LMLN: variants seen among roughly 807,000 people sequenced by gnomAD.
The protein encoded by LMLN is leishmanolysin like peptidase.
A neutral mutation model predicts 92.3 loss-of-function variants in LMLN; 70 were observed. That is an observed-to-expected ratio of 0.76 (90% CI 0.63 to 0.92). The LOEUF is 0.92. LMLN is among the 40% of genes least tolerant of loss of function. The probability of loss-of-function intolerance (pLI) is 0.00; values close to 1 mark genes in which losing one functional copy is unlikely to be tolerated. For missense variants in LMLN, 691 were observed against 814.6 expected (o/e 0.85, Z 1.85); for synonymous variants, 308 against 296.2 (o/e 1.04, Z -0.41).
chr3:197,971,944 C>CTTTT (rs756710031), intron 1 of LMLN, among the ~76,000 whole-genome samples: 41 of 81,208 alleles, frequency 5.0e-4, no homozygotes, highest in East Asian at 8.3e-4. Flanking sequence ...AGTCTCTGTT[C>CTTTT]TTTTTTTTTT....
At chr3:197,962,274 T>G (rs1720925262) in intron 1 of LMLN, among the ~76,000 whole-genome samples, 1 of 152,206 alleles carries the variant, frequency 6.6e-6, no homozygotes, top group East Asian at 1.9e-4. Flanking sequence ...TGCTCAGCAT[T>G]ATGTCTGTGA....
chr3:197,978,221 T>C (rs1339418084), intron 5 of LMLN, among the ~76,000 whole-genome samples: 5 of 152,258 alleles, frequency 3.3e-5, no homozygotes, highest in Admixed American at 6.5e-5. Context: ...TGGATACATA[T>C]AAAAATGTTA....
chr3:197,993,795 A>G (rs1382372562), intron 9 of LMLN, among the ~76,000 whole-genome samples: 1 of 152,200 alleles, frequency 6.6e-6, no homozygotes, highest in Non-Finnish European at 1.5e-5. Context: ...CAAAACAATC[A>G]TGAGCAAAAA....
chr3:198,028,260 T>G (rs1177491518), intron 14 of LMLN, among the ~76,000 whole-genome samples: 2 of 151,966 alleles, frequency 1.3e-5, no homozygotes, highest in African/African-American at 4.8e-5. Context: ...TCTGGGTGTT[T>G]CGATGAACCG....
chr3:198,033,254 T>G (rs995943662), intron 14 of LMLN, among the ~76,000 whole-genome samples: 3 of 152,182 alleles, frequency 2.0e-5, no homozygotes, highest in Admixed American at 1.3e-4. Flanking sequence ...CCTGTGTACA[T>G]CCTTAGGATG....
chr3:198,022,417 A>C (rs914536233), intron 13 of LMLN, among the ~76,000 whole-genome samples: 1 of 152,222 alleles, frequency 6.6e-6, no homozygotes, highest in African/African-American at 2.4e-5. Context: ...GTTTTAACCT[A>C]GTCTCCAAAC....
At chr3:197,990,566 T>C (rs756002346) in exon 9 of LMLN, 15 of 1,418,344 alleles carry the variant, frequency 1.1e-5, no homozygotes, top group Non-Finnish European at 1.5e-5. Flanking sequence ...CAGTCTGGGA[T>C]TATATCAATG....
chr3:198,024,935 T>A, intron 14 of LMLN, 147 bp downstream of exon 15: 1 of 565,748 alleles, frequency 1.8e-6, no homozygotes, highest in East Asian at 3.7e-5. Context: ...TTAGTTTGGA[T>A]GCTTATGTTT....
rs147639153 is a variant in LMLN, at chr3:198,035,944, G to A, written c.1768G>A (p.Asp590Asn). ...TATCCAGATGAATGGCTGGATTCACGATGGAAACCTGCTCTGCCCATCATG... is the reference window on the plus strand; with the variant it reads ...TATCCAGATGAATGGCTGGATTCACAATGGAAACCTGCTCTGCCCATCATG... Residue 590 changes from aspartate to asparagine, a missense_variant, in exon 15 of 16, where the codon GAT becomes AAT. Physicochemically the swap from Asp to Asn is conservative, Grantham distance 23. Coordinates refer to ENST00000330198, the Ensembl canonical transcript of LMLN. 1.0e-4 allele frequency: 167 copies of A among 1,614,078 alleles called. No homozygotes were observed. Among genetic ancestry groups the A allele is most frequent in the Non-Finnish European group, 1.3e-4 (159 of 1,179,996 alleles).
At chr3:198,001,639 A>G (rs893277146) in intron 11 of LMLN, among the ~76,000 whole-genome samples, 4 of 152,188 alleles carry the variant, frequency 2.6e-5, no homozygotes, top group South Asian at 4.1e-4. Flanking sequence ...AGTTGCAGGC[A>G]TTTTGGCATT....
chr3:198,032,661 G>A (rs1228954364), intron 14 of LMLN, among the ~76,000 whole-genome samples: 1 of 152,096 alleles, frequency 6.6e-6, no homozygotes, highest in African/African-American at 2.4e-5. Context: ...AGAGGAGGGA[G>A]CTCCCGACCT....
rs896983744 is a variant in LMLN at position 198,031,019 on chromosome 3, C to T, written c.1657-4814C>T. On this transcript the variant is annotated intron_variant, in intron 14 of 15. Coordinates refer to ENST00000330198, the Ensembl canonical transcript of LMLN. The surrounding 1 kb of genome is among the most constrained non-coding windows in gnomAD (Gnocchi z 4.8). ...GACGCCTGCTGACAGCGTGGGAAGGCGGGACCTCACCTCTGCCCTCAGGGT... is the reference window on the plus strand; with the variant it reads ...GACGCCTGCTGACAGCGTGGGAAGGTGGGACCTCACCTCTGCCCTCAGGGT... Among the ~76,000 whole-genome samples the T allele has an allele frequency of 6.6e-6, 1 of 151,896 alleles. No individual in the cohort carries two copies. The highest frequency in any genetic ancestry group is 1.5e-5 in the Non-Finnish European group (1 of 68,000).
chr3:197,975,205 C>G (rs1721336049), intron 3 of LMLN, 133 bp downstream of exon 3: 1 of 533,818 alleles, frequency 1.9e-6, no homozygotes, highest in Non-Finnish European at 3.3e-6. Flanking sequence ...AAGTGCTGAT[C>G]ATTTCACAAA....
chr3:198,012,286 A>C lies in LMLN; in HGVS notation c.1233-6967A>C, dbSNP rs145876127. 6.6e-5 allele frequency among the ~76,000 whole-genome samples: 10 copies of C among 152,228 alleles called. No homozygotes were observed. In the East Asian group the frequency reaches 1.9e-3, roughly 29 times the overall value. On this transcript the variant is annotated intron_variant, in intron 11 of 15. Transcript: ENST00000330198. ...CATTCTGTTGACCAGGCTGGTCTTG[A>C]ACTGCTGACCTCAGCTGATCTGCCC... is the stretch of plus-strand genomic sequence containing the variant.
intron 9 of LMLN, among the ~76,000 whole-genome samples, chr3:197,995,384 C>A (rs1721988921): frequency 6.6e-6 from 1 of 152,080 alleles, no homozygotes; most frequent in African/African-American, 2.4e-5. Flanking sequence ...AAGTTGACGC[C>A]ACTAACACAA....
In LMLN at chr3:197,986,017, A is replaced by C. The variant is rs1721696381; in HGVS notation, c.929+127A>C. 2.6e-5 allele frequency: 16 copies of C among 615,038 alleles called. No individual in the cohort carries two copies. The South Asian group carries it at 3.5e-4, about 14-fold the overall frequency. The allele number at this position is 615,038 out of a possible 1,614,324, so 38.1% of individuals were successfully genotyped here. ...CATGGCAAACCTAAGGAAATTGTAGATATTAAAACAAAATGGGATATAAGA... is the reference window on the plus strand; with the variant it reads ...CATGGCAAACCTAAGGAAATTGTAGCTATTAAAACAAAATGGGATATAAGA... On this transcript the variant is annotated intron_variant, in intron 8 of 15. Coordinates refer to ENST00000330198, the Ensembl canonical transcript of LMLN.
At chr3:197,966,801 A>G (rs1262918053) in intron 1 of LMLN, among the ~76,000 whole-genome samples, 1 of 151,758 alleles carries the variant, frequency 6.6e-6, no homozygotes, top group Non-Finnish European at 1.5e-5. Context: ...ATGTATTTTT[A>G]TTTTTTTAGA....
chr3:197,980,601 T>G, intron 6 of LMLN, 97 bp downstream of exon 6: 1 of 1,214,634 alleles, frequency 8.2e-7, no homozygotes, highest in Non-Finnish European at 1.2e-6. Flanking sequence ...ATCTTGCATT[T>G]GCCAGATTGC....
At chr3:197,967,285 C>G (rs60854922) in intron 1 of LMLN, among the ~76,000 whole-genome samples, 1 of 152,142 alleles carries the variant, frequency 6.6e-6, no homozygotes, top group African/African-American at 2.4e-5. Flanking sequence ...TCTATTTTCC[C>G]TAAGTGTCAG....
Sources: allele counts gnomAD v4.1 joint callset (sites outside exome capture counted in the v4.1 genomes callset), GRCh38; gene constraint gnomAD v4.1.1; non-coding constraint Gnocchi (gnomAD v3.1); transcripts MANE v1.5; gene names NCBI Gene and HGNC (gene_info 2026-07-23, HGNC 2026-07-21).